Variants in CFHR5 observed in about 807,000 individuals in gnomAD.
CFHR5 encodes the protein complement factor H-related protein 5.
A neutral mutation model predicts 62.9 loss-of-function variants in CFHR5; 73 were observed. The observed-to-expected ratio is 1.16, with a 90% CI of 0.96 to 1.41. CFHR5 has a LOEUF of 1.41. CFHR5 is among the 40% of genes most tolerant of loss of function. The pLI is 0.00. For missense variants in CFHR5, 779 were observed against 679.9 expected, an observed-to-expected ratio of 1.15 and a Z score of -1.62; for synonymous variants, 249 against 227.2, an observed-to-expected ratio of 1.10 and a Z score of -0.86.
In CFHR5 at chr1:196,992,371, G is replaced by T. The variant is rs577340574; in HGVS notation, c.431-1709G>T. Among the ~76,000 whole-genome samples the T allele has an allele frequency of 3.3e-5, 5 of 151,586 alleles. No individual in the cohort carries two copies. The South Asian group carries it at 1.0e-3, about 32-fold the overall frequency. ...CCCCTTGCACTTCTATTTTTTCTAAGACCACTGGAAAAGTGCAGTATTTGT... is the reference window on the plus strand; with the variant it reads ...CCCCTTGCACTTCTATTTTTTCTAATACCACTGGAAAAGTGCAGTATTTGT... On this transcript the variant is annotated intron_variant, in intron 3 of 9. Coordinates refer to ENST00000256785, the MANE Select transcript of CFHR5 (RefSeq NM_030787.4).
chr1:197,000,585 CTCAT>C (rs1478926780), intron 7 of CFHR5, among the ~76,000 whole-genome samples: 1 of 152,066 alleles, frequency 6.6e-6, no homozygotes, highest in Non-Finnish European at 1.5e-5. Context: ...TGATGAAATT[CTCAT>C]TATTATTTGT....
intron 9 of CFHR5, among the ~76,000 whole-genome samples, chr1:197,005,404 C>A (rs945899293): frequency 1.4e-4 from 22 of 152,114 alleles, no homozygotes; most frequent in Admixed American, 5.2e-4. Flanking sequence ...TTTTCTACTA[C>A]AAAATAATGC....
Position 197,008,626 on chromosome 1 carries a change from A to C in CFHR5, c.1653A>C (p.Ser551=). The C allele has an allele frequency of 6.2e-7, 1 of 1,613,916 alleles. No homozygotes were observed. The highest frequency in any genetic ancestry group is 8.5e-7 in the Non-Finnish European group (1 of 1,179,836). The change falls in exon 10 of 10, where the codon TCA becomes TCC. Residue 551 remains serine (S), a synonymous_variant. Coordinates refer to ENST00000256785, the MANE Select transcript of CFHR5 (RefSeq NM_030787.4). ...CKFPHKAMIS[S]PPFRAICQEG... ...TCCCACATAAAGCGATGATATCATC[A>C]CCACCATTTCGAGCAATCTGTCAGG...
rs750638931 is a variant in CFHR5, at chr1:197,002,624, A to G, written c.1290A>G (p.Val430=). Residue 430 remains valine (V), a synonymous_variant, in exon 8 of 10, where the codon GTA becomes GTG. Transcript: ENST00000256785. ...NYLLPEAKEI[V]CKDGRWQSLP... The stretch of plus-strand genomic sequence containing the variant: ...TACTTCCAGAAGCAAAAGAAATTGT[A>G]TGTAAAGATGGACGATGGCAATCAT... 6.2e-6 allele frequency: 10 copies of G among 1,613,536 alleles called. No individual in the cohort carries two copies. The highest frequency in any genetic ancestry group is 1.7e-6 in the Non-Finnish European group (2 of 1,179,738).
intron 7 of CFHR5, among the ~76,000 whole-genome samples, chr1:197,001,025 T>C (rs1201571939): frequency 6.6e-6 from 1 of 152,148 alleles, no homozygotes; most frequent in Non-Finnish European, 1.5e-5. Context: ...CTAACAATAA[T>C]AATATCAGGC....
chr1:197,008,594 T>A lies in CFHR5; in HGVS notation c.1621T>A (p.Cys541Ser). 1 of 1,613,722 alleles carries A rather than the reference T, an allele frequency of 6.2e-7. No individual in the cohort carries two copies. Among genetic ancestry groups the A allele is most frequent in the Non-Finnish European group, 8.5e-7 (1 of 1,179,732 alleles). ...AKTGDAVEFQ[C>S]KFPHKAMISS... is the part of the protein sequence containing the mutation. ...AACAGGGGATGCTGTTGAATTCCAG[T>A]GTAAATTCCCACATAAAGCGATGAT... Residue 541 changes from cysteine (C) to serine (S), a missense_variant, in exon 10 of 10, where the codon TGT becomes AGT. Transcript: ENST00000256785.
chr1:196,978,920 A>G (rs1653465996), intron 1 of CFHR5, among the ~76,000 whole-genome samples: 1 of 152,164 alleles, frequency 6.6e-6, no homozygotes, highest in Non-Finnish European at 1.5e-5. Context: ...GCTTCAGTCC[A>G]GTCCCAGGAT....
intron 3 of CFHR5, among the ~76,000 whole-genome samples, chr1:196,987,308 C>T (rs150967637): frequency 1.3e-5 from 2 of 151,834 alleles, no homozygotes; most frequent in African/African-American, 2.4e-5. Flanking sequence ...CCATTCTGTA[C>T]GTTGCCTGTT....
intron 7 of CFHR5, among the ~76,000 whole-genome samples, chr1:196,999,504 C>T (rs1266131100): frequency 6.6e-6 from 1 of 151,136 alleles, no homozygotes; most frequent in Non-Finnish European, 1.5e-5. Context: ...CACTTCCTTA[C>T]CTTTCATTTT....
intron 2 of CFHR5, among the ~76,000 whole-genome samples, chr1:196,983,412 A>C (rs7522197): frequency 1.3e-5 from 2 of 152,326 alleles, no homozygotes; most frequent in South Asian, 4.1e-4. Context: ...AAGTCATTTT[A>C]TATAGATATT....
At chr1:196,985,151 T>C (rs1446072289) in intron 3 of CFHR5, among the ~76,000 whole-genome samples, 1 of 152,182 alleles carries the variant, frequency 6.6e-6, no homozygotes, top group Non-Finnish European at 1.5e-5. Context: ...GGTAGGTTTT[T>C]CAAAAGATGT....
intron 7 of CFHR5, among the ~76,000 whole-genome samples, chr1:197,000,397 T>C (rs1191595255): frequency 2.0e-5 from 3 of 152,182 alleles, no homozygotes; most frequent in Non-Finnish European, 4.4e-5. Context: ...ATATCAGTGC[T>C]GTTTCAACTA....
chr1:196,998,343 T>G, intron 7 of CFHR5, 39 bp downstream of exon 7: 1 of 1,478,278 alleles, frequency 6.8e-7, no homozygotes, highest in East Asian at 2.3e-5. Flanking sequence ...TCTTGTTGCT[T>G]CTTTACAAGA....
At chr1:197,006,487 G>C (rs1654293203) in intron 9 of CFHR5, among the ~76,000 whole-genome samples, 1 of 152,070 alleles carries the variant, frequency 6.6e-6, no homozygotes, top group Non-Finnish European at 1.5e-5. Context: ...AAGGCAGGAA[G>C]AATCACCTGA....
At chr1:197,000,757 G>C (rs1654132811) in intron 7 of CFHR5, among the ~76,000 whole-genome samples, 1 of 152,046 alleles carries the variant, frequency 6.6e-6, no homozygotes, top group African/African-American at 2.4e-5. Context: ...ATTCATCTTT[G>C]TGACTATGTA....
intron 1 of CFHR5, among the ~76,000 whole-genome samples, chr1:196,979,833 C>A (rs1381962943): frequency 6.6e-6 from 1 of 152,092 alleles, no homozygotes; most frequent in Non-Finnish European, 1.5e-5. Flanking sequence ...CCAGGATAGA[C>A]TAAATTTATT....
At chr1:196,981,045 GT>G (rs1279914620) in intron 1 of CFHR5, among the ~76,000 whole-genome samples, 1 of 151,868 alleles carries the variant, frequency 6.6e-6, no homozygotes, top group East Asian at 1.9e-4. Context: ...TAAATTTAAG[GT>G]TTCACAAGGT....
At chr1:196,998,773 T>G (rs987670747) in intron 7 of CFHR5, among the ~76,000 whole-genome samples, 1 of 152,004 alleles carries the variant, frequency 6.6e-6, no homozygotes. Flanking sequence ...AGGCTTATAT[T>G]CAAATCATTT....
At chr1:197,003,857 T>A (rs1276503483) in intron 8 of CFHR5, among the ~76,000 whole-genome samples, 1 of 152,106 alleles carries the variant, frequency 6.6e-6, no homozygotes, top group Non-Finnish European at 1.5e-5. Flanking sequence ...TGGTGAATGA[T>A]TAAGTGGAAA....
Sources: allele counts gnomAD v4.1 joint callset (sites outside exome capture counted in the v4.1 genomes callset), GRCh38; gene constraint gnomAD v4.1.1; transcripts MANE v1.5; gene names NCBI Gene and HGNC (gene_info 2026-07-23, HGNC 2026-07-21).